Variants in FRY observed in about 807,000 individuals in gnomAD.
The protein encoded by FRY is FRY microtubule binding protein.
In FRY, 128 loss-of-function variants were observed where a neutral mutation model predicts 348.4. The observed-to-expected ratio is 0.37, with a 90% CI of 0.32 to 0.43. The LOEUF (loss-of-function observed/expected upper bound fraction) is 0.43. Among genes scored for constraint, FRY ranks in the 20% least tolerant of loss-of-function variants. The probability of loss-of-function intolerance (pLI) is 1.00; values close to 1 mark genes in which losing one functional copy is unlikely to be tolerated. For missense variants in FRY, 2,736 were observed against 3,695.2 expected, an observed-to-expected ratio of 0.74 and a Z score of 6.73; for synonymous variants, 1,370 against 1,374.7, an observed-to-expected ratio of 1.00 and a Z score of 0.08.
intron 1 of FRY, among the ~76,000 whole-genome samples, chr13:32,050,195 T>G (rs1401023015): frequency 1.3e-5 from 2 of 152,228 alleles, no homozygotes; most frequent in Non-Finnish European, 2.9e-5. Flanking sequence ...CATTTAAATG[T>G]CAAACAAATA....
intron 11 of FRY, among the ~76,000 whole-genome samples, chr13:32,143,654 A>G (rs1238711305): frequency 2.0e-5 from 3 of 152,240 alleles, no homozygotes; most frequent in Admixed American, 1.3e-4. Flanking sequence ...AGAATTTCAA[A>G]TGATATGCTA....
chr13:32,137,384 T>C (rs1028633514), intron 11 of FRY, among the ~76,000 whole-genome samples: 1 of 152,186 alleles, frequency 6.6e-6, no homozygotes, highest in Non-Finnish European at 1.5e-5. Flanking sequence ...TAGAAGAATG[T>C]CTCTGGGGCA....
intron 58 of FRY, among the ~76,000 whole-genome samples, chr13:32,283,495 A>G (rs1338904049): frequency 1.3e-5 from 2 of 152,188 alleles, no homozygotes; most frequent in African/African-American, 4.8e-5. Flanking sequence ...GGGAAAGAGT[A>G]TTATTCTTTG....
At chr13:32,039,630 G>A (rs1161981861) in intron 1 of FRY, among the ~76,000 whole-genome samples, 2 of 152,038 alleles carry the variant, frequency 1.3e-5, no homozygotes, top group Non-Finnish European at 2.9e-5. Context: ...TTAAATGTTA[G>A]TCACCCAAAA....
At chr13:32,093,412 T>G (rs895186324) in intron 2 of FRY, among the ~76,000 whole-genome samples, 2 of 152,176 alleles carry the variant, frequency 1.3e-5, no homozygotes, top group Non-Finnish European at 2.9e-5. Context: ...TTTTTTACCC[T>G]CTCAAAACTT....
intron 1 of FRY, among the ~76,000 whole-genome samples, chr13:32,040,091 T>A (rs936056457): frequency 7.9e-5 from 12 of 152,192 alleles, no homozygotes; most frequent in African/African-American, 2.9e-4. Context: ...CTTCTTTGAG[T>A]TTAGCCTTAA....
intron 4 of FRY, among the ~76,000 whole-genome samples, chr13:32,120,664 TTTTG>T (rs541231912): frequency 4.8e-4 from 73 of 152,234 alleles, no homozygotes; most frequent in Non-Finnish European, 8.1e-4. Context: ...TATCATTCTT[TTTTG>T]TTTGTTTGTT....
At chr13:32,150,840 T>C (rs2138145359) in intron 14 of FRY, among the ~76,000 whole-genome samples, 1 of 152,306 alleles carries the variant, frequency 6.6e-6, no homozygotes, top group Non-Finnish European at 1.5e-5. Flanking sequence ...CCCATGCTCC[T>C]TCCCACCACA....
At position 32,239,861 on chromosome 13, in the gene FRY, A is replaced by G. The variant is rs975718716; in HGVS notation, c.6667A>G (p.Met2223Val). Residue 2223 changes from methionine to valine, a missense_variant, in exon 46 of 61, where the codon ATG becomes GTG. Met to Val is a conservative substitution (Grantham distance 21). This residue lies in a region of FRY where 789 missense variants were observed against 996.2 expected (regional missense o/e 0.79). Transcript: ENST00000542859. The surrounding 1 kb of genome is among the most constrained non-coding windows in gnomAD (Gnocchi z 4.3). Reference sequence around the variant, plus strand: ...AGCATATGCTGACATTACCTTGAATATGGTTACCTACCTGGCAGAGGTAAG... The same window carrying G: ...AGCATATGCTGACATTACCTTGAATGTGGTTACCTACCTGGCAGAGGTAAG... ...HEAYADITLN[M>V]VTYLAELLEK... 6.2e-7 allele frequency: 1 copy of G among 1,613,662 alleles called. No homozygotes were observed. The highest frequency in any genetic ancestry group is 1.6e-4 in the Middle Eastern group (1 of 6,062).
At chr13:32,243,715 A>G (rs984434125) in intron 46 of FRY, among the ~76,000 whole-genome samples, 7 of 152,138 alleles carry the variant, frequency 4.6e-5, no homozygotes, top group Admixed American at 1.3e-4. Flanking sequence ...ATACTTACAT[A>G]TTTACACCTC....
intron 1 of FRY, chr13:32,038,511 G>A (rs552576286): frequency 1.3e-5 from 2 of 152,256 alleles, no homozygotes; most frequent in East Asian, 1.9e-4. Flanking sequence ...TCCTGGAAAC[G>A]CGAATGGCAT....
intron 59 of FRY, among the ~76,000 whole-genome samples, chr13:32,290,431 T>C (rs1889279966): frequency 1.3e-5 from 2 of 151,696 alleles, no homozygotes; most frequent in South Asian, 4.2e-4. Flanking sequence ...TCTCAGAGGG[T>C]GAGTTGGAGT....
At chr13:32,114,079 G>A (rs992543287) in intron 3 of FRY, among the ~76,000 whole-genome samples, 5 of 152,148 alleles carry the variant, frequency 3.3e-5, no homozygotes, top group African/African-American at 1.2e-4. Flanking sequence ...CATACATGAG[G>A]TAGCGGAACA....
chr13:32,285,376 A>C (rs1888994974), intron 58 of FRY, among the ~76,000 whole-genome samples: 1 of 152,188 alleles, frequency 6.6e-6, no homozygotes, highest in African/African-American at 2.4e-5. Flanking sequence ...GAGATAATAA[A>C]TATCAAGGAA....
At chr13:32,111,929 C>G (rs564430849) in intron 3 of FRY, among the ~76,000 whole-genome samples, 2 of 152,306 alleles carry the variant, frequency 1.3e-5, no homozygotes, top group Admixed American at 1.3e-4. Context: ...TGCTACCTTT[C>G]TCTCAAGGGT....
intron 1 of FRY, among the ~76,000 whole-genome samples, chr13:32,058,207 C>G (rs1422932611): frequency 6.6e-6 from 1 of 151,944 alleles, no homozygotes; most frequent in East Asian, 1.9e-4. Flanking sequence ...TTGGAATCAT[C>G]GGGGAGCCAA....
At chr13:32,116,516 G>A (rs1055415707) in intron 3 of FRY, among the ~76,000 whole-genome samples, 5 of 152,128 alleles carry the variant, frequency 3.3e-5, no homozygotes, top group Non-Finnish European at 5.9e-5. Context: ...CTTTGCTTAT[G>A]GGGCCGTACC....
intron 10 of FRY, 53 bp from the exon 11 acceptor site, chr13:32,136,817 AC>A: frequency 1.0e-6 from 1 of 1,001,928 alleles, no homozygotes; most frequent in Non-Finnish European, 1.6e-6. Flanking sequence ...AATGTATGTT[AC>A]CTGGTTTGTT....
At chr13:32,135,284 A>G (rs947008348) in intron 10 of FRY, 101 bp downstream of exon 10, 7 of 753,224 alleles carry the variant, frequency 9.3e-6, no homozygotes, top group Non-Finnish European at 1.6e-5. Context: ...CACAGATAGG[A>G]AAAGTACCTA....
Sources: allele counts gnomAD v4.1 joint callset (sites outside exome capture counted in the v4.1 genomes callset), GRCh38; gene constraint gnomAD v4.1.1; regional missense constraint gnomAD v4.1.1; non-coding constraint Gnocchi (gnomAD v3.1); transcripts MANE v1.5; gene names NCBI Gene and HGNC (gene_info 2026-07-23, HGNC 2026-07-21).